MGST1: variants seen among roughly 807,000 people sequenced by gnomAD.
The protein encoded by MGST1 is microsomal glutathione S-transferase 1.
In MGST1, 5 loss-of-function variants were observed where a neutral mutation model predicts 8.9. That is an observed-to-expected ratio of 0.56 (90% confidence interval 0.29 to 1.19). The LOEUF (loss-of-function observed/expected upper bound fraction) is 1.19. Among genes scored for constraint, MGST1 ranks in the 50% most tolerant of loss-of-function variants. The probability of loss-of-function intolerance (pLI) is 0.08; values close to 1 mark genes in which losing one functional copy is unlikely to be tolerated. For missense variants in MGST1, 182 were observed against 187.4 expected (o/e 0.97, Z 0.17); for synonymous variants, 54 against 67.8 (o/e 0.80, Z 1.00).
downstream of MGST1, among the ~76,000 whole-genome samples, chr12:16,366,652 CACACACACACACATACACACACACAT>C (rs1237224170): frequency 0.16 from 14,054 of 87,658 alleles, 1,247 homozygotes; most frequent in East Asian, 0.41. The surrounding 1 kb of genome is among the most constrained non-coding windows in gnomAD (Gnocchi z 4.0). Context: ...CACACACACA[CACACACACACACATACACACACACAT>C]ACTACCATCA....
intron 4 of MGST1, among the ~76,000 whole-genome samples, chr12:16,558,330 A>G (rs770553092): frequency 1.3e-5 from 2 of 152,076 alleles, no homozygotes. Flanking sequence ...ATTTCCTACT[A>G]TGAATATGTA....
At chr12:16,423,773 C>A (rs1940862735) in intron 1 of MGST1, among the ~76,000 whole-genome samples, 1 of 152,172 alleles carries the variant, frequency 6.6e-6, no homozygotes, top group Non-Finnish European at 1.5e-5. Context: ...ACCAAGAGCA[C>A]CAGATCTAAG....
rs958879805 is a variant in MGST1, at chr12:16,505,707, T to C, written n.483-83821T>C. On this transcript the variant is annotated intron_variant and non_coding_transcript_variant, in intron 4 of 4. Coordinates refer to the MGST1 transcript ENST00000538857. ...AGATTTCTCTCACTGTAATTCATCC[T>C]CATACTGTCAACGACTCTGTGAAGC... is the stretch of plus-strand genomic sequence containing the variant. Among the ~76,000 whole-genome samples, 5 of 152,316 alleles carry C rather than the reference T, an allele frequency of 3.3e-5. No homozygotes were observed. The East Asian group carries it at 9.7e-4, about 29-fold the overall frequency.
intron 1 of MGST1, among the ~76,000 whole-genome samples, chr12:16,391,902 T>G (rs1436508100): frequency 6.6e-6 from 1 of 152,232 alleles, no homozygotes; most frequent in East Asian, 1.9e-4. Flanking sequence ...GTTTAATCCA[T>G]CTTGAGTTGA....
At chr12:16,535,279 A>G (rs1941748721) in intron 4 of MGST1, among the ~76,000 whole-genome samples, 1 of 152,234 alleles carries the variant, frequency 6.6e-6, no homozygotes, top group Non-Finnish European at 1.5e-5. Context: ...GGTGGTCATC[A>G]ATGAACAAGT....
rs988874204 is a variant in MGST1, at chr12:16,401,306, T to C, written n.778+17702T>C. 8 of 1,478,726 alleles carry C rather than the reference T, an allele frequency of 5.4e-6. No homozygotes were observed. The highest frequency in any genetic ancestry group is 4.5e-5 in the East Asian group (2 of 44,136). 91.6% of individuals were successfully genotyped at this position (1,478,726 alleles called of 1,614,324 possible). ...AAACTGATGCTGAAAACCATTCCTG[T>C]CTTCAGTTTGTATTGATTTTTACTA... is the stretch of plus-strand genomic sequence containing the variant. On this transcript the variant is annotated intron_variant and non_coding_transcript_variant, in intron 1 of 1. Coordinates refer to the MGST1 transcript ENST00000359720. This position sits in a 1 kb window ranked among gnomAD's most constrained non-coding sequence, Gnocchi z 4.3.
chr12:16,483,117 A>G (rs1354795264), intron 4 of MGST1, among the ~76,000 whole-genome samples: 1 of 152,254 alleles, frequency 6.6e-6, no homozygotes. Flanking sequence ...GTTTACCATA[A>G]GCAGGCACAG....
downstream of MGST1, among the ~76,000 whole-genome samples, chr12:16,439,705 A>G (rs187609300): frequency 6.0e-4 from 91 of 151,866 alleles, 1 homozygote; most frequent in Admixed American, 5.8e-3. Context: ...GTATACCCAC[A>G]ATTTTCCAAC....
At chr12:16,395,741 C>A (rs1258838241) in intron 1 of MGST1, among the ~76,000 whole-genome samples, 9 of 144,932 alleles carry the variant, frequency 6.2e-5, no homozygotes. Context: ...TCTGTGAATG[C>A]CATTAATTTG....
At chr12:16,399,956 C>A (rs1940640295) in intron 1 of MGST1, 2 of 1,324,376 alleles carry the variant, frequency 1.5e-6, no homozygotes, top group African/African-American at 1.4e-5. Flanking sequence ...ATAGCATTTA[C>A]CAGCGCACTA....
intron 1 of MGST1, among the ~76,000 whole-genome samples, chr12:16,353,757 C>CTTTTT (rs11387725): frequency 8.1e-5 from 9 of 111,458 alleles, no homozygotes; most frequent in Non-Finnish European, 1.2e-4. Flanking sequence ...ATATTGCATA[C>CTTTTT]TTTTTTTTTT....
At chr12:16,409,466 G>A (rs16911922) in intron 1 of MGST1, among the ~76,000 whole-genome samples, 12,054 of 152,124 alleles carry the variant, frequency 0.079, 584 homozygotes, top group East Asian at 0.22. Flanking sequence ...GCATGCAGTG[G>A]GATTGTACCA....
chr12:16,591,202 C>CA (rs1943486477), downstream of MGST1, among the ~76,000 whole-genome samples: 1 of 152,112 alleles, frequency 6.6e-6, no homozygotes, highest in Non-Finnish European at 1.5e-5. The surrounding 1 kb of genome is among the most constrained non-coding windows in gnomAD (Gnocchi z 4.1). Context: ...TCCCACACCC[C>CA]AGCTGCACTA....
intron 1 of MGST1, among the ~76,000 whole-genome samples, chr12:16,352,274 G>A (rs1384025410): frequency 2.6e-5 from 4 of 152,154 alleles, no homozygotes; most frequent in Non-Finnish European, 5.9e-5. Context: ...ACATTCACCA[G>A]CAACACAAAG....
At chr12:16,509,448 TCAG>T (rs1941562009) in intron 4 of MGST1, among the ~76,000 whole-genome samples, 1 of 152,196 alleles carries the variant, frequency 6.6e-6, no homozygotes. Context: ...TCTTAGACAT[TCAG>T]CTACAAGAAG....
At position 16,587,924 on chromosome 12, in the gene MGST1, T is replaced by C. The variant is rs1943371506; in HGVS notation, n.483-1604T>C. On this transcript the variant is annotated intron_variant and non_coding_transcript_variant, in intron 4 of 4. Transcript: ENST00000538857. The surrounding 1 kb of genome is among the most constrained non-coding windows in gnomAD (Gnocchi z 4.3). Reference sequence around the variant, plus strand: ...CATTTCTCATGAAAGAAAACCTTGATTTAATTTTAAATGAACAAAACAAGG... The same window carrying C: ...CATTTCTCATGAAAGAAAACCTTGACTTAATTTTAAATGAACAAAACAAGG... 6.6e-6 allele frequency among the ~76,000 whole-genome samples: 1 copy of C among 152,150 alleles called. No homozygotes were observed. Among genetic ancestry groups the C allele is most frequent in the South Asian group, 2.1e-4 (1 of 4,830 alleles).
chr12:16,426,088 G>C (rs1350558572), intron 1 of MGST1, among the ~76,000 whole-genome samples: 6 of 151,940 alleles, frequency 3.9e-5, no homozygotes, highest in Non-Finnish European at 4.4e-5. Context: ...AATAGATTTG[G>C]CTTTCTAAAG....
intron 4 of MGST1, among the ~76,000 whole-genome samples, chr12:16,491,843 T>C (rs1316433912): frequency 6.6e-6 from 1 of 152,328 alleles, no homozygotes; most frequent in East Asian, 1.9e-4. Flanking sequence ...GTAATACCTT[T>C]TTCCCGTTTC....
intron 4 of MGST1, among the ~76,000 whole-genome samples, chr12:16,525,576 C>G (rs1212592125): frequency 7.0e-6 from 1 of 143,194 alleles, no homozygotes; most frequent in East Asian, 2.1e-4. Flanking sequence ...CAAGTCTTTG[C>G]TATTGTGAAT....
Sources: gnomAD v4.1 joint callset for allele counts (sites outside exome capture counted in the v4.1 genomes callset) on GRCh38, gnomAD v4.1.1 for gene constraint, Gnocchi (gnomAD v3.1) non-coding constraint, MANE v1.5 for transcripts, NCBI Gene and HGNC (gene_info 2026-07-23, HGNC 2026-07-21) for gene names.